The following CSMD3 variants were observed in gnomAD, a reference collection of about 807,000 sequenced individuals.
CSMD3 encodes the protein CUB and Sushi multiple domains 3.
In CSMD3, 177 loss-of-function variants were observed where a neutral mutation model predicts 435.2. The observed-to-expected ratio is 0.41, with a 90% CI of 0.36 to 0.46. The LOEUF is 0.46. CSMD3 is among the 20% of genes least tolerant of loss of function. The pLI, the probability that CSMD3 is intolerant of heterozygous loss-of-function variation, is 0.34. For synonymous variants in CSMD3, 1,656 were observed against 1,520.5 expected (o/e 1.09, Z -2.07); for missense variants, 4,265 against 4,504.6 (o/e 0.95, Z 1.52).
Position 112,418,913 on chromosome 8 carries a change from T to C in CSMD3, c.5396-9881A>G, listed in dbSNP as rs898685736. On this transcript the variant is annotated intron_variant, in intron 32 of 70. Transcript: ENST00000297405. ...ATATTATTTAAAATATTGTATAAAA[T>C]TACCTTAGGTTATGCATATAAGAAG... Among the ~76,000 whole-genome samples, 3 of 152,294 alleles carry C rather than the reference T, an allele frequency of 2.0e-5. No individual in the cohort carries two copies. The South Asian group carries it at 6.2e-4, about 32-fold the overall frequency.
intron 22 of CSMD3, among the ~76,000 whole-genome samples, chr8:112,634,573 T>A (rs1229553762): frequency 1.3e-5 from 2 of 151,984 alleles, no homozygotes; most frequent in Non-Finnish European, 2.9e-5. Flanking sequence ...CACAGGGTAA[T>A]TTTCTTTCAT....
chr8:112,257,210 G>A (rs1227374793), intron 61 of CSMD3, among the ~76,000 whole-genome samples: 1 of 152,148 alleles, frequency 6.6e-6, no homozygotes, highest in African/African-American at 2.4e-5. Flanking sequence ...AGACAAGGAT[G>A]CTCTCTCTCA....
chr8:112,866,900 T>C (rs1564041994), intron 10 of CSMD3, among the ~76,000 whole-genome samples: 1 of 152,202 alleles, frequency 6.6e-6, no homozygotes, highest in East Asian at 1.9e-4. Flanking sequence ...GATGTAACTA[T>C]GTAACAATGA....
intron 45 of CSMD3, among the ~76,000 whole-genome samples, chr8:112,323,714 A>T (rs766249622): frequency 6.6e-6 from 1 of 152,042 alleles, no homozygotes; most frequent in Non-Finnish European, 1.5e-5. Context: ...AAATTGGCCT[A>T]TAGTGTGTTC....
At chr8:112,504,275 C>A (rs1411039681) in intron 29 of CSMD3, among the ~76,000 whole-genome samples, 2 of 151,994 alleles carry the variant, frequency 1.3e-5, no homozygotes. Context: ...TGAAAAGATA[C>A]AGGATTTGGA....
chr8:112,810,199 C>T (rs889014899), intron 12 of CSMD3, among the ~76,000 whole-genome samples: 15 of 152,162 alleles, frequency 9.9e-5, no homozygotes, highest in African/African-American at 3.6e-4. Flanking sequence ...ATAAGTTCAA[C>T]AGTCCAATTA....
intron 32 of CSMD3, among the ~76,000 whole-genome samples, chr8:112,456,511 G>GA (rs147569001): frequency 0.2 from 30,824 of 151,740 alleles, 3,812 homozygotes; most frequent in East Asian, 0.39. Flanking sequence ...AAAATAAATG[G>GA]AAAAAATACC....
intron 2 of CSMD3, among the ~76,000 whole-genome samples, chr8:113,302,300 A>ATGT (rs2093778025): frequency 7.4e-6 from 1 of 135,794 alleles, no homozygotes; most frequent in Admixed American, 8.6e-5. Flanking sequence ...ATATAATATA[A>ATGT]TATATATATT....
intron 4 of CSMD3, among the ~76,000 whole-genome samples, chr8:113,107,106 C>T (rs1327240216): frequency 6.6e-6 from 1 of 152,156 alleles, no homozygotes; most frequent in Non-Finnish European, 1.5e-5. Flanking sequence ...CTATTCTGAA[C>T]ATCTCCAAAC....
chr8:112,812,596 T>A (rs2079257525), intron 12 of CSMD3, among the ~76,000 whole-genome samples: 1 of 152,218 alleles, frequency 6.6e-6, no homozygotes, highest in African/African-American at 2.4e-5. Context: ...GGTCTCTCAC[T>A]CTGCTTTATG....
At chr8:112,523,366 A>G (rs1248912969) in intron 27 of CSMD3, among the ~76,000 whole-genome samples, 1 of 152,036 alleles carries the variant, frequency 6.6e-6, no homozygotes, top group Non-Finnish European at 1.5e-5. Context: ...TAATCCTATG[A>G]AAATACAATT....
chr8:112,615,947 T>G (rs1399862135), intron 22 of CSMD3, among the ~76,000 whole-genome samples: 1 of 152,158 alleles, frequency 6.6e-6, no homozygotes, highest in East Asian at 1.9e-4. Context: ...GTTATTTAAT[T>G]TGTAGAAGCA....
chr8:112,662,805 A>G (rs1179065221), intron 17 of CSMD3, among the ~76,000 whole-genome samples: 1 of 152,204 alleles, frequency 6.6e-6, no homozygotes, highest in East Asian at 1.9e-4. Flanking sequence ...AGAATCTACA[A>G]TGAACTCAAA....
intron 54 of CSMD3, among the ~76,000 whole-genome samples, chr8:112,295,351 G>T (rs1269762613): frequency 2.6e-5 from 4 of 152,002 alleles, no homozygotes; most frequent in African/African-American, 4.8e-5. Flanking sequence ...CATGCCTAAT[G>T]ATAATATATT....
At chr8:113,235,617 C>T (rs1036944320) in intron 3 of CSMD3, among the ~76,000 whole-genome samples, 7 of 151,992 alleles carry the variant, frequency 4.6e-5, no homozygotes, top group Non-Finnish European at 7.4e-5. Flanking sequence ...TTAAGGAAGA[C>T]AGAGAGAGCT....
intron 5 of CSMD3, among the ~76,000 whole-genome samples, chr8:113,077,148 A>G (rs147355963): frequency 1.3e-5 from 2 of 152,262 alleles, no homozygotes; most frequent in African/African-American, 2.4e-5. Context: ...AACTGGTGAA[A>G]TCTGAATAAT....
At chr8:112,801,825 T>C (rs1353037964) in intron 12 of CSMD3, among the ~76,000 whole-genome samples, 1 of 151,992 alleles carries the variant, frequency 6.6e-6, no homozygotes, top group Non-Finnish European at 1.5e-5. Flanking sequence ...TTACATAGCA[T>C]GTACATCAGC....
At chr8:113,249,762 T>A (rs536401054) in intron 3 of CSMD3, among the ~76,000 whole-genome samples, 1 of 151,902 alleles carries the variant, frequency 6.6e-6, no homozygotes, top group African/African-American at 2.4e-5. Context: ...ATATTTAATG[T>A]GGCTACTCTT....
intron 10 of CSMD3, among the ~76,000 whole-genome samples, chr8:112,899,877 C>A (rs181741067): frequency 6.7e-6 from 1 of 149,144 alleles, no homozygotes; most frequent in African/African-American, 2.5e-5. Context: ...TTATATATAT[C>A]TTCTGATTAG....
Sources: gnomAD v4.1 joint callset for allele counts (sites outside exome capture counted in the v4.1 genomes callset) on GRCh38, gnomAD v4.1.1 for gene constraint, MANE v1.5 for transcripts, NCBI Gene and HGNC (gene_info 2026-07-23, HGNC 2026-07-21) for gene names.